Variants in ZIC4 observed in about 807,000 individuals in gnomAD.
ZIC4 encodes the protein Zic family zinc finger 4.
ZIC4 carries 15 observed loss-of-function variants against 28.8 expected under a neutral mutation model. The observed-to-expected ratio is 0.52, with a 90% CI of 0.35 to 0.80. The LOEUF (loss-of-function observed/expected upper bound fraction) is 0.80, where lower values mean the gene tolerates loss of function less well. Ranked by LOEUF, ZIC4 falls within the 30% of genes least tolerant of loss-of-function variation. The pLI, the probability that ZIC4 is intolerant of heterozygous loss-of-function variation, is 0.01. For synonymous variants in ZIC4, 220 were observed against 198.1 expected (o/e 1.11, Z -0.93); for missense variants, 512 against 467.1 (o/e 1.10, Z -0.89).
In ZIC4 at chr3:147,406,365, C is replaced by CA. The variant is rs2087276350; in HGVS notation, c.-19dup. 1 of 152,572 alleles carries CA rather than the reference C, an allele frequency of 6.6e-6. No homozygotes were observed. Among genetic ancestry groups the CA allele is most frequent in the Admixed American group, 6.5e-5 (1 of 15,288 alleles). 9.5% of individuals were successfully genotyped at this position (152,572 alleles called of 1,614,324 possible). On this transcript the variant is annotated 5_prime_UTR_variant, in exon 1 of 5. Coordinates refer to ENST00000383075, the MANE Select transcript of ZIC4 (RefSeq NM_032153.6). ...GCCCCCTGGACTCACGCACTTACCC[C>CA]ACTCCACCTGTTGCCAGGATCGCCT...
At chr3:147,391,890 T>A (rs1281086307) in intron 3 of ZIC4, 1 of 881,926 alleles carries the variant, frequency 1.1e-6, no homozygotes, top group Non-Finnish European at 1.4e-6. Flanking sequence ...TCAGAAGAGA[T>A]TTTTACAGGA....
Position 147,396,253 on chromosome 3 carries a change from T to C in ZIC4, c.287A>G (p.His96Arg), listed in dbSNP as rs769200254. 11 of 1,612,980 alleles carry C rather than the reference T, an allele frequency of 6.8e-6. No individual in the cohort carries two copies. Among genetic ancestry groups the C allele is most frequent in the African/African-American group, 1.3e-5 (1 of 75,016 alleles). The change falls in exon 3 of 5, where the codon CAT becomes CGT. Residue 96 changes from histidine (H) to arginine (R), a missense_variant. His to Arg is a conservative substitution (Grantham distance 29, BLOSUM62 0). Around this residue, in one of 3 missense-constraint regions of ZIC4, gnomAD observed 310 missense variants for 256.5 expected, o/e 1.21. Transcript: ENST00000383075. This position sits in a 1 kb window ranked among gnomAD's most constrained non-coding sequence, Gnocchi z 4.2. ...CGTCAGGTTCATGCCCCCGTAGCCA[T>C]GCAGGGCTGCGGCAGCTGCCAGGGC... ...SDALAAAAAL[H>R]GYGGMNLTVN...
chr3:147,395,690 A>AT (rs1337685636), intron 3 of ZIC4, among the ~76,000 whole-genome samples, 162 bp downstream of exon 3: 2 of 152,164 alleles, frequency 1.3e-5, no homozygotes, highest in African/African-American at 4.8e-5. Flanking sequence ...AACTTCTGTG[A>AT]TTCTAAGAAT....
chr3:147,392,491 C>G (rs1559960191), intron 3 of ZIC4: 14 of 967,478 alleles, frequency 1.4e-5, no homozygotes, highest in Non-Finnish European at 1.7e-5. Context: ...AGATTCCTGC[C>G]GGAGCTGCAA....
intron 3 of ZIC4, chr3:147,392,540 T>A: frequency 1.4e-6 from 1 of 698,856 alleles, no homozygotes; most frequent in Non-Finnish European, 1.8e-6. Context: ...CTGGGCGCTT[T>A]AAACAAATGG....
chr3:147,391,281 G>A (rs2107965533), intron 3 of ZIC4, 35 bp from the exon 4 acceptor site: 1 of 1,542,136 alleles, frequency 6.5e-7, no homozygotes, highest in Non-Finnish European at 8.8e-7. Context: ...TAGTGCTTGT[G>A]GGTCGTGTTC....
At chr3:147,404,237 C>A (rs1469639078) in intron 1 of ZIC4, 6 of 1,444,634 alleles carry the variant, frequency 4.2e-6, no homozygotes, top group African/African-American at 2.9e-5. Context: ...CCCTGTCCAC[C>A]CATAAGGCAG....
In ZIC4 at chr3:147,396,322, G is replaced by A. The variant is rs374775659; in HGVS notation, c.218C>T (p.Ala73Val). 3.8e-6 allele frequency: 6 copies of A among 1,594,566 alleles called. No individual in the cohort carries two copies. Among genetic ancestry groups the A allele is most frequent in the Non-Finnish European group, 5.1e-6 (6 of 1,171,036 alleles). ...LRLGLPGDMY[A>V]RPEPFPPGPA... ...CCCTGGCGGGAAGGGCTCCGGCCGCGCGTACATGTCTCCAGGGAGCCCCAG... is the reference window on the plus strand; with the variant it reads ...CCCTGGCGGGAAGGGCTCCGGCCGCACGTACATGTCTCCAGGGAGCCCCAG... Residue 73 changes from alanine (A) to valine (V), a missense_variant, in exon 3 of 5, where the codon GCG (alanine) becomes GTG (valine). Physicochemically the swap from Ala to Val is moderately conservative, Grantham distance 64. Around this residue, in one of 3 missense-constraint regions of ZIC4, gnomAD observed 310 missense variants for 256.5 expected, o/e 1.21. Transcript: ENST00000383075. The surrounding 1 kb of genome is among the most constrained non-coding windows in gnomAD (Gnocchi z 4.2).
chr3:147,392,076 T>C, intron 3 of ZIC4: 2 of 985,520 alleles, frequency 2.0e-6, no homozygotes, highest in Non-Finnish European at 2.4e-6. Context: ...GCCCTCCCAG[T>C]CCGCACTGAC....
chr3:147,391,301 G>A, intron 3 of ZIC4, 55 bp from the exon 4 acceptor site: 4 of 1,496,228 alleles, frequency 2.7e-6, no homozygotes, highest in African/African-American at 1.4e-5. Flanking sequence ...CCCGTCAGGT[G>A]CTTGCCACCC....
intron 2 of ZIC4, among the ~76,000 whole-genome samples, chr3:147,398,002 C>T (rs2087085174): frequency 6.6e-6 from 1 of 152,056 alleles, no homozygotes. Flanking sequence ...GGATCTGGCC[C>T]TGACCAGGGA....
At chr3:147,400,826 T>C (rs2087150415) in intron 2 of ZIC4, among the ~76,000 whole-genome samples, 1 of 152,184 alleles carries the variant, frequency 6.6e-6, no homozygotes, top group African/African-American at 2.4e-5. Flanking sequence ...TCAATTGGGC[T>C]GGCTAAGGAA....
chr3:147,405,668 C>A, intron 1 of ZIC4: 1 of 644,278 alleles, frequency 1.6e-6, no homozygotes. Flanking sequence ...AAAGCCAAGT[C>A]CCGAACCCAC....
rs2086900615 is a variant in ZIC4 at position 147,390,944 on chromosome 3, C to T, written c.991G>A (p.Asp331Asn). 1.9e-6 allele frequency: 3 copies of T among 1,609,788 alleles called. No homozygotes were observed. The highest frequency in any genetic ancestry group is 2.7e-5 in the African/African-American group (2 of 74,876). ...SSAAVAARTA[D>N]LSE is the part of the protein sequence containing the mutation. ...TGACACACGTACCATTCGCTCAAGTCGGCGGTACGCGCCGCCACCGCCGCC... is the reference window on the plus strand; with the variant it reads ...TGACACACGTACCATTCGCTCAAGTTGGCGGTACGCGCCGCCACCGCCGCC... Residue 331 changes from aspartate (D) to asparagine (N), a missense_variant, in exon 4 of 5, where the codon GAC (aspartate) becomes AAC (asparagine). Asp to Asn is a conservative substitution (Grantham distance 23). This residue lies in a region of ZIC4 where 144 missense variants were observed against 116.8 expected (regional missense o/e 1.23). Transcript: ENST00000383075.
In ZIC4 at chr3:147,388,249, C is replaced by A. The variant is rs1233144682; in HGVS notation, c.*610G>T. ...GCCTTTGAAGCGGCCGCTCCCCGCG[C>A]GTATTTCCATGGCGAGCCTAACGCG... On this transcript the variant is annotated 3_prime_UTR_variant, in exon 5 of 5. Coordinates refer to ENST00000383075, the MANE Select transcript of ZIC4 (RefSeq NM_032153.6). 6.5e-6 allele frequency: 1 copy of A among 152,938 alleles called. No individual in the cohort carries two copies. Among genetic ancestry groups the A allele is most frequent in the African/African-American group, 2.4e-5 (1 of 41,454 alleles). The allele number at this position is 152,938 out of a possible 1,614,324, so 9.5% of individuals were successfully genotyped here.
chr3:147,390,163 G>C (rs2086883273), intron 4 of ZIC4, among the ~76,000 whole-genome samples: 1 of 152,190 alleles, frequency 6.6e-6, no homozygotes, highest in Non-Finnish European at 1.5e-5. Context: ...AGGGGTGGAA[G>C]CGTCTAACCA....
In ZIC4 at chr3:147,391,204, C is replaced by T. The variant is rs1230712251; in HGVS notation, c.731G>A (p.Arg244His). ...FRCEFEGCER[R>H]FANSSDRKKH... ...CTTACGGTCGCTGCTGTTGGCGAAGCGCCGCTCGCAGCCCTCGAACTCGCA... is the reference window on the plus strand; with the variant it reads ...CTTACGGTCGCTGCTGTTGGCGAAGTGCCGCTCGCAGCCCTCGAACTCGCA... The change falls in exon 4 of 5, where the codon CGC (arginine) becomes CAC (histidine). Residue 244 changes from arginine to histidine, a missense_variant. Around this residue, in one of 3 missense-constraint regions of ZIC4, gnomAD observed 58 missense variants for 93.8 expected, o/e 0.62. Coordinates refer to ENST00000383075, the MANE Select transcript of ZIC4 (RefSeq NM_032153.6). 1.9e-6 allele frequency: 3 copies of T among 1,605,544 alleles called. No individual in the cohort carries two copies. The East Asian group carries it at 6.7e-5, about 36-fold the overall frequency.
intron 3 of ZIC4, chr3:147,392,986 G>GCAAA (rs946997102): frequency 6.7e-6 from 1 of 149,972 alleles, no homozygotes; most frequent in African/African-American, 2.5e-5. Context: ...GCCAGCATTT[G>GCAAA]CAAACCCAAA....
chr3:147,404,989 T>G (rs1208041151), intron 1 of ZIC4, among the ~76,000 whole-genome samples: 1 of 152,202 alleles, frequency 6.6e-6, no homozygotes, highest in East Asian at 1.9e-4. Flanking sequence ...GGCAGGGAGC[T>G]CTGAGCCAGA....
Sources: gnomAD v4.1 joint callset for allele counts (sites outside exome capture counted in the v4.1 genomes callset) on GRCh38, gnomAD v4.1.1 for gene constraint, gnomAD v4.1.1 regional missense constraint, Gnocchi (gnomAD v3.1) non-coding constraint, MANE v1.5 for transcripts, NCBI Gene and HGNC (gene_info 2026-07-23, HGNC 2026-07-21) for gene names.